ZNF655: variants seen among roughly 807,000 people sequenced by gnomAD.
ZNF655 encodes the protein zinc finger protein 655, also known as Vav-interacting Kruppel-like protein 1.
ZNF655 carries 3 observed loss-of-function variants against 6.6 expected under a neutral mutation model. That is an observed-to-expected ratio of 0.46 (90% CI 0.21 to 1.18). The LOEUF is 1.18. Ranked by LOEUF, ZNF655 falls within the 50% of genes most tolerant of loss-of-function variation. ZNF655 has a pLI of 0.24. For synonymous variants in ZNF655, 178 were observed against 195.0 expected, an observed-to-expected ratio of 0.91 and a Z score of 0.73; for missense variants, 526 against 572.3, an observed-to-expected ratio of 0.92 and a Z score of 0.83.
Position 99,573,906 on chromosome 7 carries a change from T to C in ZNF655, c.*322T>C. 3.7e-6 allele frequency: 1 copy of C among 269,668 alleles called. No individual in the cohort carries two copies. Among genetic ancestry groups the C allele is most frequent in the Non-Finnish European group, 7.0e-6 (1 of 142,694 alleles). The allele number at this position is 269,668 out of a possible 1,614,324, so 16.7% of individuals were successfully genotyped here. On this transcript the variant is annotated 3_prime_UTR_variant, in exon 3 of 3. Coordinates refer to ENST00000252713, the MANE Select transcript of ZNF655 (RefSeq NM_138494.3). ...CACATTTGGAGAATTCACATGGGAA[T>C]AAAATTCCATTGCTGCAATGAATGT...
intron 2 of ZNF655, among the ~76,000 whole-genome samples, chr7:99,565,047 G>A (rs1051860956): frequency 2.0e-5 from 3 of 152,130 alleles, no homozygotes; most frequent in Non-Finnish European, 4.4e-5. Flanking sequence ...CTAAGCTTGC[G>A]GGAATTATTT....
chr7:99,563,535 C>A (rs1295259792), intron 2 of ZNF655, among the ~76,000 whole-genome samples: 1 of 152,114 alleles, frequency 6.6e-6, no homozygotes, highest in Non-Finnish European at 1.5e-5. Flanking sequence ...TCAGGCTGAT[C>A]TCGAACTCTT....
intron 2 of ZNF655, among the ~76,000 whole-genome samples, chr7:99,568,526 A>C (rs1803807763): frequency 6.6e-6 from 1 of 152,162 alleles, no homozygotes; most frequent in Admixed American, 6.5e-5. Context: ...CTAGGATTAC[A>C]GGCGCGAGCC....
rs1400028945 is a variant in ZNF655, at chr7:99,572,366, T to C, written c.258T>C (p.Thr86=). The C allele has an allele frequency of 6.2e-7, 1 of 1,613,904 alleles. No homozygotes were observed. The highest frequency in any genetic ancestry group is 8.5e-7 in the Non-Finnish European group (1 of 1,179,946). Residue 86 remains threonine, a synonymous_variant, in exon 3 of 3, where the codon ACT becomes ACC. Coordinates refer to ENST00000252713, the MANE Select transcript of ZNF655 (RefSeq NM_138494.3). ...ACGATATTACCCAAGTTCCTGAGACTAGAGAAGTGTATAAGTCTGAGGACA... is the reference window on the plus strand; with the variant it reads ...ACGATATTACCCAAGTTCCTGAGACCAGAGAAGTGTATAAGTCTGAGGACA... ...LKHDITQVPE[T]REVYKSEDRL...
At chr7:99,561,912 C>T (rs377380685) in intron 2 of ZNF655, 174 of 1,592,344 alleles carry the variant, frequency 1.1e-4, no homozygotes, top group Admixed American at 1.7e-4. Context: ...CAGGTGCCTG[C>T]TCTTCCCCGT....
At position 99,572,324 on chromosome 7, in the gene ZNF655, A is replaced by G; in HGVS notation, c.216A>G (p.Arg72=). 6.2e-7 allele frequency: 1 copy of G among 1,613,504 alleles called. No individual in the cohort carries two copies. Among genetic ancestry groups the G allele is most frequent in the Non-Finnish European group, 8.5e-7 (1 of 1,179,890 alleles). The change falls in exon 3 of 3, where the codon AGA becomes AGG. Residue 72 remains arginine (R), a synonymous_variant. Coordinates refer to ENST00000252713, the MANE Select transcript of ZNF655 (RefSeq NM_138494.3). ...AAGAAGTGCATTCATACAAAGTGAGAGTAGGAAGACTCAAACACGATATTA... is the reference window on the plus strand; with the variant it reads ...AAGAAGTGCATTCATACAAAGTGAGGGTAGGAAGACTCAAACACGATATTA... The part of the protein sequence containing the change: ...ISEEVHSYKV[R]VGRLKHDITQ...
chr7:99,564,967 A>G (rs909453685), intron 2 of ZNF655, among the ~76,000 whole-genome samples: 3 of 152,164 alleles, frequency 2.0e-5, no homozygotes, highest in Admixed American at 6.5e-5. Flanking sequence ...AATCATTTTC[A>G]TATTTTTGGG....
intron 2 of ZNF655, among the ~76,000 whole-genome samples, chr7:99,568,944 C>T (rs1328736119): frequency 2.0e-5 from 3 of 152,102 alleles, no homozygotes; most frequent in Non-Finnish European, 4.4e-5. Context: ...GCCACCATGC[C>T]TGGCTAATTT....
At position 99,576,323 on chromosome 7, in the gene ZNF655, C is replaced by T. The variant is rs138218250; in HGVS notation, c.*2739C>T. 2.3e-4 allele frequency: 35 copies of T among 152,710 alleles called. No homozygotes were observed. Among genetic ancestry groups the T allele is most frequent in the African/African-American group, 6.7e-4 (28 of 41,548 alleles). 9.5% of individuals were successfully genotyped at this position (152,710 alleles called of 1,614,324 possible). A position where few individuals can be genotyped will look rare whatever the true frequency, so the allele number is the denominator to read the frequency against. On this transcript the variant is annotated 3_prime_UTR_variant, in exon 3 of 3. Transcript: ENST00000252713. ...CCTTATGTATAGAGACCAGTAGTCACGTATGGTGACTGAAACAGGATTATG... is the reference window on the plus strand; with the variant it reads ...CCTTATGTATAGAGACCAGTAGTCATGTATGGTGACTGAAACAGGATTATG...
At chr7:99,565,300 C>T (rs1199076507) in intron 2 of ZNF655, among the ~76,000 whole-genome samples, 1 of 152,102 alleles carries the variant, frequency 6.6e-6, no homozygotes, top group Non-Finnish European at 1.5e-5. Context: ...TCCCAAGTAG[C>T]TGGGACTACA....
In ZNF655 at chr7:99,575,021, C is replaced by T. The variant is rs563749722; in HGVS notation, c.*1437C>T. On this transcript the variant is annotated 3_prime_UTR_variant, in exon 3 of 3. Transcript: ENST00000252713. ...AGGATTCTCTCTCCTGAGATTGTAG[C>T]AGGCAGCCAAACATTTTCAAATGAT... The T allele has an allele frequency of 6.5e-6, 1 of 152,708 alleles. No homozygotes were observed. Among genetic ancestry groups the T allele is most frequent in the South Asian group, 2.1e-4 (1 of 4,830 alleles). 9.5% of individuals were successfully genotyped at this position (152,708 alleles called of 1,614,324 possible).
intron 2 of ZNF655, among the ~76,000 whole-genome samples, chr7:99,569,262 A>G (rs1039929575): frequency 3.3e-5 from 5 of 152,250 alleles, no homozygotes; most frequent in African/African-American, 9.6e-5. Flanking sequence ...GTTTTAATAC[A>G]TTAATTTTAA....
chr7:99,561,376 G>A (rs1803146717), intron 2 of ZNF655, among the ~76,000 whole-genome samples: 1 of 152,206 alleles, frequency 6.6e-6, no homozygotes. Flanking sequence ...ACAATGTGTA[G>A]AGTGCTGTGG....
intron 2 of ZNF655, among the ~76,000 whole-genome samples, chr7:99,569,665 A>G (rs1803889643): frequency 6.6e-6 from 1 of 152,188 alleles, no homozygotes; most frequent in Non-Finnish European, 1.5e-5. Flanking sequence ...GAAAACCTAG[A>G]GAGCTCTTGG....
intron 2 of ZNF655, among the ~76,000 whole-genome samples, chr7:99,568,312 G>A (rs1261853635): frequency 4.5e-4 from 66 of 146,656 alleles, no homozygotes; most frequent in Admixed American, 2.0e-3. Flanking sequence ...GTGTAGTGGC[G>A]TGATCTCGGC....
At chr7:99,565,493 A>G (rs756723981) in intron 2 of ZNF655, among the ~76,000 whole-genome samples, 1 of 152,224 alleles carries the variant, frequency 6.6e-6, no homozygotes, top group Non-Finnish European at 1.5e-5. Flanking sequence ...TGTCACAGAC[A>G]TTAGAACGTT....
rs145746848 is a variant in ZNF655 at position 99,573,135 on chromosome 7, T to C, written c.1027T>C (p.Ser343Pro). ...ATGTGGCAGTGACTTCTGCCATACTTCATACCTACTTGAACATCAGAGGGT... is the reference window on the plus strand; with the variant it reads ...ATGTGGCAGTGACTTCTGCCATACTCCATACCTACTTGAACATCAGAGGGT... ...TVCGSDFCHT[S>P]YLLEHQRVHH... Residue 343 changes from serine to proline, a missense_variant, in exon 3 of 3, where the codon TCA becomes CCA. Transcript: ENST00000252713. 1.7e-5 allele frequency: 28 copies of C among 1,614,014 alleles called. No homozygotes were observed. In the African/African-American group the frequency reaches 3.5e-4, roughly 20 times the overall value.
At chr7:99,564,156 T>C in intron 2 of ZNF655, 1 of 1,474,712 alleles carries the variant, frequency 6.8e-7, no homozygotes, top group Non-Finnish European at 8.9e-7. Context: ...TTTCAAATGT[T>C]AGGGTCCAAG....
chr7:99,560,718 G>T (rs756662020), intron 2 of ZNF655, 23 bp downstream of exon 2: 2 of 1,611,166 alleles, frequency 1.2e-6, no homozygotes, highest in African/African-American at 2.7e-5. Flanking sequence ...AAGCACTTCC[G>T]TCTGGGAGAG....
Sources: allele counts gnomAD v4.1 joint callset (sites outside exome capture counted in the v4.1 genomes callset), GRCh38; gene constraint gnomAD v4.1.1; transcripts MANE v1.5; gene names NCBI Gene and HGNC (gene_info 2026-07-23, HGNC 2026-07-21).